Variants in KCNH1 observed in about 807,000 individuals in gnomAD.
KCNH1 encodes potassium voltage-gated channel subfamily H member 1.
KCNH1 carries 27 observed loss-of-function variants against 69.2 expected under a neutral mutation model. The ratio of observed to expected loss-of-function variants is 0.39; its 90% CI spans 0.29 to 0.54. The LOEUF (loss-of-function observed/expected upper bound fraction) is 0.54. KCNH1 is among the 20% of genes least tolerant of loss of function. KCNH1 has a pLI of 0.68. For synonymous variants in KCNH1, 456 were observed against 487.7 expected (o/e 0.93, Z 0.86); for missense variants, 798 against 1,261.6 (o/e 0.63, Z 5.57).
At chr1:211,034,367 T>A (rs1689856341) in intron 5 of KCNH1, among the ~76,000 whole-genome samples, 2 of 151,246 alleles carry the variant, frequency 1.3e-5, no homozygotes, top group African/African-American at 2.4e-5. Context: ...ATTCTTGAAA[T>A]GACAAAATTA....
At chr1:211,030,624 T>G (rs1234445948) in intron 5 of KCNH1, among the ~76,000 whole-genome samples, 1 of 152,018 alleles carries the variant, frequency 6.6e-6, no homozygotes, top group Non-Finnish European at 1.5e-5. Flanking sequence ...GATTGTGGAC[T>G]TAAATATAAA....
chr1:211,035,236 CTTTTTTTTTTTTTTTTTT>C lies in KCNH1; in HGVS notation c.559-15998_559-15981del, dbSNP rs765170558. On this transcript the variant is annotated intron_variant, in intron 5 of 10. Transcript: ENST00000271751. ...ATTTAAACCATAGGGTACTGGCATT[CTTTTTTTTTTTTTTTTTT>C]TTTTTTTTTTTTGAGACGGAGTCTC... Among the ~76,000 whole-genome samples the C allele has an allele frequency of 9.3e-3, 699 of 75,112 alleles. 6 individuals are homozygous for C. Among genetic ancestry groups the C allele is most frequent in the African/African-American group, 0.038 (668 of 17,738 alleles). 49.3% of individuals were successfully genotyped at this position (75,112 alleles called of 152,430 possible).
rs187585957 is a variant in KCNH1, at chr1:211,112,154, C to T, written c.80-4777G>A. ...CTGGGAAGTTGGAGCGCCTCTGCCC[C>T]GCCACTGCACCGTCTGGGAAGTGAG... is the stretch of plus-strand genomic sequence containing the variant. On this transcript the variant is annotated intron_variant, in intron 1 of 10. Transcript: ENST00000271751. Among the ~76,000 whole-genome samples the T allele has an allele frequency of 8.4e-5, 10 of 119,182 alleles. No homozygotes were observed. In the East Asian group the frequency reaches 1.2e-3, roughly 14 times the overall value. The allele number at this position is 119,182 out of a possible 152,430, so 78.2% of individuals were successfully genotyped here. A position where few individuals can be genotyped will look rare whatever the true frequency, so the allele number is the denominator to read the frequency against.
rs570211835 is a variant in KCNH1, at chr1:210,898,682, G to T, written c.1462+20958C>A. Among the ~76,000 whole-genome samples the T allele has an allele frequency of 1.1e-3, 103 of 91,190 alleles. 4 individuals are homozygous for T. Among genetic ancestry groups the T allele is most frequent in the African/African-American group, 3.1e-3 (99 of 31,718 alleles). The allele number at this position is 91,190 out of a possible 152,430, so 59.8% of individuals were successfully genotyped here. A position where few individuals can be genotyped will look rare whatever the true frequency, so the allele number is the denominator to read the frequency against. ...CCTTGGAGGGGGCAGGCGTGGCGGC[G>T]GGGGGGGGTCCTGTCAACCACCTTT... On this transcript the variant is annotated intron_variant, in intron 7 of 10. Coordinates refer to ENST00000271751, the MANE Select transcript of KCNH1 (RefSeq NM_172362.3).
intron 5 of KCNH1, among the ~76,000 whole-genome samples, chr1:211,065,148 GA>G (rs1408950730): frequency 6.6e-6 from 1 of 152,074 alleles, no homozygotes; most frequent in Non-Finnish European, 1.5e-5. Flanking sequence ...ATCGTCAAAG[GA>G]AATGAAATCA....
intron 7 of KCNH1, chr1:210,861,031 G>A: frequency 9.5e-7 from 1 of 1,051,166 alleles, no homozygotes; most frequent in Non-Finnish European, 1.5e-6. Flanking sequence ...TAAGAATCTG[G>A]TAACAAAATC....
At chr1:210,826,600 C>T (rs1685036279) in intron 7 of KCNH1, among the ~76,000 whole-genome samples, 1 of 152,192 alleles carries the variant, frequency 6.6e-6, no homozygotes, top group South Asian at 2.1e-4. Context: ...TTTTGAAAGA[C>T]AGCACAGCCA....
intron 10 of KCNH1, among the ~76,000 whole-genome samples, chr1:210,768,173 A>T (rs758101100): frequency 1.3e-5 from 2 of 152,196 alleles, no homozygotes; most frequent in African/African-American, 4.8e-5. Flanking sequence ...TAACTAATAC[A>T]TTTGATTGAT....
intron 5 of KCNH1, among the ~76,000 whole-genome samples, chr1:211,077,217 C>T (rs1490134192): frequency 6.6e-6 from 1 of 152,136 alleles, no homozygotes; most frequent in African/African-American, 2.4e-5. Context: ...CTTCCCCAAC[C>T]TAGCGAGACA....
At chr1:210,818,758 A>T (rs1053902334) in intron 7 of KCNH1, among the ~76,000 whole-genome samples, 6 of 152,188 alleles carry the variant, frequency 3.9e-5, no homozygotes, top group African/African-American at 9.6e-5. Flanking sequence ...CATATGTGGT[A>T]ACCAACAACA....
In KCNH1 at chr1:210,948,699, G is replaced by A. The variant is rs57654955; in HGVS notation, c.1033-28630C>T. 9.1e-3 allele frequency among the ~76,000 whole-genome samples: 1,389 copies of A among 152,048 alleles called. 22 individuals are homozygous for A. The highest frequency in any genetic ancestry group is 0.031 in the African/African-American group (1,297 of 41,468). On this transcript the variant is annotated intron_variant, in intron 6 of 10. Transcript: ENST00000271751. ...AAAAAAAAATTTAGCCAGGCATGGT[G>A]GTGGGCACCTGTAGTCCCAGCTACT... is the stretch of plus-strand genomic sequence containing the variant.
rs1209598176 is a variant in KCNH1, at chr1:211,103,535, C to T, written c.271G>A (p.Glu91Lys). 6.2e-7 allele frequency: 1 copy of T among 1,613,442 alleles called. No homozygotes were observed. Among genetic ancestry groups the T allele is most frequent in the African/African-American group, 1.3e-5 (1 of 75,038 alleles). Reference protein sequence around the residue: ...EKVRQTFENYEMNSFEILMYK... With the variant: ...EKVRQTFENYKMNSFEILMYK... ...ATCAGAATTTCAAAGGAATTCATCT[C>T]ATAGTTCTCAAATGTTTGCCGCACT... Residue 91 changes from glutamate (E) to lysine (K), a missense_variant, in exon 3 of 11, where the codon GAG (glutamate) becomes AAG (lysine). Glu to Lys is a moderately conservative substitution (Grantham distance 56). Coordinates refer to ENST00000271751, the MANE Select transcript of KCNH1 (RefSeq NM_172362.3).
intron 10 of KCNH1, among the ~76,000 whole-genome samples, chr1:210,751,638 T>A (rs1683286632): frequency 6.6e-6 from 1 of 151,988 alleles, no homozygotes; most frequent in Non-Finnish European, 1.5e-5. Flanking sequence ...GGGTGCCTGC[T>A]GCTGAGAGGT....
At position 211,017,983 on chromosome 1, in the gene KCNH1, A is replaced by G. The variant is rs983699728; in HGVS notation, c.1032+800T>C. 2.0e-5 allele frequency among the ~76,000 whole-genome samples: 3 copies of G among 152,106 alleles called. No homozygotes were observed. The East Asian group carries it at 5.8e-4, about 29-fold the overall frequency. ...CTGGGGGAAGTGGGGTGGTGAGTGG[A>G]TTCTCACTCCATTAGTTCCCACGAA... On this transcript the variant is annotated intron_variant, in intron 6 of 10. Coordinates refer to ENST00000271751, the MANE Select transcript of KCNH1 (RefSeq NM_172362.3).
At chr1:210,953,479 C>T (rs1394807248) in intron 6 of KCNH1, among the ~76,000 whole-genome samples, 1 of 152,196 alleles carries the variant, frequency 6.6e-6, no homozygotes, top group Non-Finnish European at 1.5e-5. Context: ...TCTGTGAAAA[C>T]TCTCTCTTGG....
At chr1:210,997,636 C>G (rs1689077812) in intron 6 of KCNH1, among the ~76,000 whole-genome samples, 1 of 152,158 alleles carries the variant, frequency 6.6e-6, no homozygotes, top group South Asian at 2.1e-4. Flanking sequence ...GACAGGCCAA[C>G]ATGCAGATTC....
chr1:210,898,119 C>A (rs1686910996), intron 7 of KCNH1, among the ~76,000 whole-genome samples: 1 of 152,188 alleles, frequency 6.6e-6, no homozygotes, highest in African/African-American at 2.4e-5. Flanking sequence ...ATATGTCTAC[C>A]ATTAACAAAG....
At chr1:210,722,311 G>A (rs947187271) in intron 10 of KCNH1, among the ~76,000 whole-genome samples, 3 of 152,244 alleles carry the variant, frequency 2.0e-5, no homozygotes, top group African/African-American at 2.4e-5. Flanking sequence ...TTCTTGTTAT[G>A]TGTGCTTATA....
intron 5 of KCNH1, among the ~76,000 whole-genome samples, chr1:211,074,125 A>G (rs1690693642): frequency 6.7e-6 from 1 of 149,828 alleles, no homozygotes. Flanking sequence ...AAACCTTAAT[A>G]CTGAGTAACT....
Sources: allele counts gnomAD v4.1 joint callset (sites outside exome capture counted in the v4.1 genomes callset), GRCh38; gene constraint gnomAD v4.1.1; transcripts MANE v1.5; gene names NCBI Gene and HGNC (gene_info 2026-07-23, HGNC 2026-07-21).